TCF12: variants seen among roughly 807,000 people sequenced by gnomAD.
TCF12 encodes the protein transcription factor 12, also known as DNA-binding protein HTF4.
In TCF12, 45 loss-of-function variants were observed where a neutral mutation model predicts 86.0. The observed-to-expected ratio is 0.52, with a 90% CI of 0.41 to 0.67. TCF12 has a LOEUF of 0.67. TCF12 is among the 30% of genes least tolerant of loss of function. TCF12 has a pLI of 0.00. For synonymous variants in TCF12, 330 were observed against 299.6 expected (o/e 1.10, Z -1.05); for missense variants, 881 against 859.9 (o/e 1.02, Z -0.31).
chr15:57,266,671 A>G (rs903688741), intron 18 of TCF12, among the ~76,000 whole-genome samples: 1 of 152,212 alleles, frequency 6.6e-6, no homozygotes, highest in Non-Finnish European at 1.5e-5. Context: ...ATGAATATAG[A>G]CACATAGTAC....
chr15:57,258,812 CTA>C (rs1337799867), intron 16 of TCF12, among the ~76,000 whole-genome samples: 1 of 152,012 alleles, frequency 6.6e-6, no homozygotes, highest in Non-Finnish European at 1.5e-5. Flanking sequence ...ATTAGAGAAA[CTA>C]TATTTTTCTT....
intron 3 of TCF12, among the ~76,000 whole-genome samples, chr15:56,984,567 A>T (rs2063088015): frequency 6.6e-6 from 1 of 152,300 alleles, no homozygotes. Context: ...GGTAAAAAAA[A>T]TTCAAACGGT....
intron 8 of TCF12, among the ~76,000 whole-genome samples, chr15:57,212,386 C>T (rs755756534): frequency 2.0e-5 from 3 of 152,068 alleles, no homozygotes; most frequent in Non-Finnish European, 4.4e-5. Flanking sequence ...TGGGCTGAAG[C>T]GATCCTCCCA....
At chr15:57,239,938 T>C (rs1415328368) in intron 12 of TCF12, among the ~76,000 whole-genome samples, 4 of 152,274 alleles carry the variant, frequency 2.6e-5, no homozygotes, top group African/African-American at 9.6e-5. Flanking sequence ...GATACCAATT[T>C]AGGAGTCATA....
chr15:57,232,985 A>T, intron 11 of TCF12, 129 bp downstream of exon 11: 1 of 543,200 alleles, frequency 1.8e-6, no homozygotes, highest in Admixed American at 5.2e-5. Flanking sequence ...TTATATATGT[A>T]TATGTGTGTT....
chr15:56,934,299 A>C (rs1298284181), intron 3 of TCF12, among the ~76,000 whole-genome samples: 1 of 152,208 alleles, frequency 6.6e-6, no homozygotes, highest in African/African-American at 2.4e-5. Context: ...GATAAGCAGT[A>C]ATCTCAACAA....
At chr15:57,072,741 G>T (rs2069512424) in intron 4 of TCF12, 1 of 1,276,956 alleles carries the variant, frequency 7.8e-7, no homozygotes, top group South Asian at 1.3e-5. Flanking sequence ...TATTGCATCT[G>T]TGTTCCCATT....
intron 19 of TCF12, among the ~76,000 whole-genome samples, chr15:57,276,484 A>C (rs1234540602): frequency 6.6e-6 from 1 of 152,250 alleles, no homozygotes; most frequent in Non-Finnish European, 1.5e-5. Context: ...TCGATGGAAT[A>C]GTGGTACTTA....
intron 4 of TCF12, among the ~76,000 whole-genome samples, chr15:57,068,439 CTTAAT>C (rs2069090436): frequency 6.6e-6 from 1 of 152,114 alleles, no homozygotes; most frequent in African/African-American, 2.4e-5. Context: ...CTCAGTCATG[CTTAAT>C]TTAACTACTT....
chr15:57,017,348 T>A (rs1168390710), intron 3 of TCF12, among the ~76,000 whole-genome samples: 4 of 152,256 alleles, frequency 2.6e-5, no homozygotes, highest in Non-Finnish European at 5.9e-5. Flanking sequence ...GTTATCGCCC[T>A]TGAGACAAAT....
intron 13 of TCF12, chr15:57,247,549 T>G: frequency 1.1e-6 from 1 of 927,228 alleles, no homozygotes; most frequent in Non-Finnish European, 1.7e-6. Flanking sequence ...AAGCAAATCC[T>G]GTCTTTTTTC....
rs146343698 is a variant in TCF12, at chr15:57,023,721, C to G, written c.149-40029C>G. On this transcript the variant is annotated intron_variant, in intron 3 of 20. Transcript: ENST00000333725. The stretch of plus-strand genomic sequence containing the variant: ...ACAATAAATTGGAGAAAAAACAAAT[C>G]TGTGTGATTCTGAATTTATTTCTTT... 2.2e-3 allele frequency among the ~76,000 whole-genome samples: 338 copies of G among 152,194 alleles called. 5 individuals carry two copies. Among genetic ancestry groups the G allele is most frequent in the Admixed American group, 0.02 (300 of 15,272 alleles).
chr15:57,015,995 A>C (rs2065131256), intron 3 of TCF12, among the ~76,000 whole-genome samples: 1 of 152,194 alleles, frequency 6.6e-6, no homozygotes, highest in African/African-American at 2.4e-5. Flanking sequence ...AACATCATAT[A>C]GTTCTCATAT....
At chr15:57,005,964 T>C (rs770633325) in intron 3 of TCF12, among the ~76,000 whole-genome samples, 1 of 152,208 alleles carries the variant, frequency 6.6e-6, no homozygotes, top group Non-Finnish European at 1.5e-5. Flanking sequence ...TATACTCTTA[T>C]TTGGTAGACC....
At chr15:57,106,108 T>C (rs2050116483) in intron 5 of TCF12, among the ~76,000 whole-genome samples, 1 of 152,228 alleles carries the variant, frequency 6.6e-6, no homozygotes, top group African/African-American at 2.4e-5. Context: ...ATCTCTGAGA[T>C]ACATTAAGTG....
intron 3 of TCF12, among the ~76,000 whole-genome samples, chr15:56,950,246 G>C (rs2061204383): frequency 6.6e-6 from 1 of 152,128 alleles, no homozygotes; most frequent in Admixed American, 6.6e-5. Flanking sequence ...TTAATTTTGA[G>C]ATGGAGTCTC....
intron 3 of TCF12, among the ~76,000 whole-genome samples, chr15:56,966,249 T>A (rs867196701): frequency 1.3e-5 from 2 of 152,312 alleles, no homozygotes; most frequent in Middle Eastern, 6.8e-3. Flanking sequence ...GCTATTACTT[T>A]CAATGGCAAA....
intron 6 of TCF12, among the ~76,000 whole-genome samples, chr15:57,173,437 C>G (rs972799389): frequency 5.9e-5 from 9 of 151,914 alleles, no homozygotes; most frequent in Non-Finnish European, 8.8e-5. Context: ...AAAAAACTAA[C>G]AAAACCAAAA....
chr15:57,130,129 G>A (rs1335703085), intron 5 of TCF12, among the ~76,000 whole-genome samples: 1 of 152,308 alleles, frequency 6.6e-6, no homozygotes, highest in East Asian at 1.9e-4. Flanking sequence ...AAGGAACTGT[G>A]TTTTCCTTAC....
Sources: allele counts gnomAD v4.1 joint callset (sites outside exome capture counted in the v4.1 genomes callset), GRCh38; gene constraint gnomAD v4.1.1; transcripts MANE v1.5; gene names NCBI Gene and HGNC (gene_info 2026-07-23, HGNC 2026-07-21).